TEAD2: variants seen among roughly 807,000 people sequenced by gnomAD.
TEAD2 encodes transcriptional enhancer factor TEF-4.
In TEAD2, 51 loss-of-function variants were observed where a neutral mutation model predicts 61.4. The ratio of observed to expected loss-of-function variants is 0.83; its 90% CI spans 0.66 to 1.05. The LOEUF is 1.05. Among genes scored for constraint, TEAD2 ranks in the 50% least tolerant of loss-of-function variants. The pLI, the probability that TEAD2 is intolerant of heterozygous loss-of-function variation, is 0.00. For missense variants in TEAD2, 509 were observed against 600.0 expected (o/e 0.85, Z 1.58); for synonymous variants, 244 against 243.2 (o/e 1.00, Z -0.03).
At chr19:49,347,658 G>A (rs254659) in intron 9 of TEAD2, among the ~76,000 whole-genome samples, 28,779 of 151,686 alleles carry the variant, frequency 0.19, 3,283 homozygotes, top group Non-Finnish European at 0.25. Context: ...CTCCAACCTC[G>A]CCTCTCCAGT....
At chr19:49,355,020 T>C (rs970613325) in intron 7 of TEAD2, 128 bp downstream of exon 7, 14 of 664,034 alleles carry the variant, frequency 2.1e-5, no homozygotes, top group Non-Finnish European at 3.5e-5. Context: ...CATACATACA[T>C]GCATACATAC....
rs1972293095 is a variant in TEAD2, at chr19:49,355,078, G to A, written c.539+70C>T. On this transcript the variant is annotated intron_variant, in intron 7 of 12. Coordinates refer to ENST00000593945, the MANE Select transcript of TEAD2 (RefSeq NM_001256660.2). Reference sequence around the variant, plus strand: ...GGGGGGACACAGGAGCTAGAAGGTGGAGTGAGAAAGGTCTCTGTGGGAGTG... The same window carrying A: ...GGGGGGACACAGGAGCTAGAAGGTGAAGTGAGAAAGGTCTCTGTGGGAGTG... The A allele has an allele frequency of 3.4e-6, 4 of 1,175,106 alleles. No individual in the cohort carries two copies. In the South Asian group the frequency reaches 5.2e-5, roughly 15 times the overall value. 72.8% of individuals were successfully genotyped at this position (1,175,106 alleles called of 1,614,324 possible). A position where few individuals can be genotyped will look rare whatever the true frequency, so the allele number is the denominator to read the frequency against.
At chr19:49,348,375 C>T (rs950221689) in intron 9 of TEAD2, among the ~76,000 whole-genome samples, 1 of 152,164 alleles carries the variant, frequency 6.6e-6, no homozygotes, top group African/African-American at 2.4e-5. Flanking sequence ...AACTCAAACA[C>T]GTTTGATAAA....
intron 4 of TEAD2, among the ~76,000 whole-genome samples, chr19:49,356,744 A>G (rs753406978): frequency 6.6e-6 from 1 of 152,030 alleles, no homozygotes; most frequent in South Asian, 2.1e-4. Context: ...GAGGGGACCG[A>G]CGGCCCATCC....
In TEAD2 at chr19:49,353,937, C is replaced by T. The variant is rs1015848471; in HGVS notation, c.539+1211G>A. On this transcript the variant is annotated intron_variant, in intron 7 of 12. Coordinates refer to ENST00000593945, the MANE Select transcript of TEAD2 (RefSeq NM_001256660.2). The stretch of plus-strand genomic sequence containing the variant: ...CTGGGACTACAGGTGCCTGCCACCA[C>T]GCCCAGCTAATTGTTTTTTGTTTTT... Among the ~76,000 whole-genome samples, 159 of 148,854 alleles carry T rather than the reference C, an allele frequency of 1.1e-3. 3 individuals carry two copies. The highest frequency in any genetic ancestry group is 3.1e-4 in the Non-Finnish European group (21 of 67,364).
Position 49,356,761 on chromosome 19 carries a change from C to G in TEAD2, c.360+491G>C, listed in dbSNP as rs148813871. On this transcript the variant is annotated intron_variant, in intron 4 of 12. Coordinates refer to ENST00000593945, the MANE Select transcript of TEAD2 (RefSeq NM_001256660.2). ...GGGGACCGACGGCCCATCCTTCCTG[C>G]TGTCCTGAGCAAAACCTTCAGCCTC... Among the ~76,000 whole-genome samples, 1,064 of 152,226 alleles carry G rather than the reference C, an allele frequency of 7.0e-3. 19 individuals are homozygous for G. Among genetic ancestry groups the G allele is most frequent in the Middle Eastern group, 0.041 (12 of 294 alleles).
At chr19:49,348,938 G>GA (rs1971827993) in intron 8 of TEAD2, 93 bp from the exon 9 acceptor site, 1 of 1,410,606 alleles carries the variant, frequency 7.1e-7, no homozygotes. Flanking sequence ...CTTAGAAGCT[G>GA]AAAAAGCTAA....
intron 1 of TEAD2, among the ~76,000 whole-genome samples, chr19:49,361,029 GGAGGGGGGGACAGAGACCAGAGA>G (rs1568585317): frequency 1.8e-5 from 1 of 55,312 alleles, no homozygotes; most frequent in Non-Finnish European, 3.6e-5. Flanking sequence ...GAGACCAGAG[GGAGGGGGGGACAGAGACCAGAGA>G]GGGGGACAGA....
At chr19:49,346,063 G>A (rs1181156728) in intron 10 of TEAD2, among the ~76,000 whole-genome samples, 1 of 151,226 alleles carries the variant, frequency 6.6e-6, no homozygotes, top group East Asian at 1.9e-4. Flanking sequence ...TACTTGGGAG[G>A]CTGAGGCTGG....
rs1972688055 is a variant in TEAD2, at chr19:49,359,718, C to CTG, written c.232+124_232+125dup. The CTG allele has an allele frequency of 1.8e-6, 2 of 1,110,782 alleles. No individual in the cohort carries two copies. Among genetic ancestry groups the CTG allele is most frequent in the East Asian group, 4.7e-5 (2 of 42,342 alleles). The allele number at this position is 1,110,782 out of a possible 1,614,324, so 68.8% of individuals were successfully genotyped here. Reference sequence around the variant, plus strand: ...ACCATAAGCAAATCACTTAACCTAGCTGTGCCTCAGTTTCCTCATCTGTGC... The same window carrying CTG: ...ACCATAAGCAAATCACTTAACCTAGCTGTGTGCCTCAGTTTCCTCATCTGTGC... On this transcript the variant is annotated intron_variant, in intron 2 of 12. Coordinates refer to ENST00000593945, the MANE Select transcript of TEAD2 (RefSeq NM_001256660.2). The surrounding 1 kb of genome is among the most constrained non-coding windows in gnomAD (Gnocchi z 4.1).
In TEAD2 at chr19:49,359,629, A is replaced by G. The variant is rs1424188245; in HGVS notation, c.233-130T>C. The stretch of plus-strand genomic sequence containing the variant: ...CAGCAAGTGGGCTGCCGGTCCCCTC[A>G]GCTACGTGGAAGCCAGACTGCTTGG... On this transcript the variant is annotated intron_variant, in intron 2 of 12. Transcript: ENST00000593945. The surrounding 1 kb of genome is among the most constrained non-coding windows in gnomAD (Gnocchi z 4.1). 2.6e-6 allele frequency: 3 copies of G among 1,157,794 alleles called. No homozygotes were observed. The highest frequency in any genetic ancestry group is 1.9e-5 in the Admixed American group (1 of 53,032). The allele number at this position is 1,157,794 out of a possible 1,614,324, so 71.7% of individuals were successfully genotyped here. A position where few individuals can be genotyped will look rare whatever the true frequency, so the allele number is the denominator to read the frequency against.
At chr19:49,343,097 C>T (rs776862630) in intron 11 of TEAD2, 134 bp downstream of exon 11, 113 of 1,048,242 alleles carry the variant, frequency 1.1e-4, no homozygotes, top group Non-Finnish European at 1.4e-4. Context: ...TAGCTCCCAA[C>T]GCATGCATTA....
intron 4 of TEAD2, among the ~76,000 whole-genome samples, chr19:49,357,003 CCT>C (rs1396926753): frequency 6.6e-6 from 1 of 150,882 alleles, no homozygotes; most frequent in Non-Finnish European, 1.5e-5. Flanking sequence ...GGTCTCTGTC[CCT>C]CTCTCTCTGG....
In TEAD2 at chr19:49,360,034, G is replaced by T; in HGVS notation, c.42C>A (p.Ser14Arg). ...TGCCTTCCTCACTGCCCGTCCAGCC[G>T]CTGCCATCGTCCAGGGCGGCCCCAG... is the stretch of plus-strand genomic sequence containing the variant. ...PRAGAALDDG[S>R]GWTGSEEGSE... Residue 14 changes from serine to arginine, a missense_variant, in exon 2 of 13, where the codon AGC (serine) becomes AGA (arginine). By Grantham distance (110) the Ser-to-Arg change is moderately radical. Transcript: ENST00000593945. 6.2e-7 allele frequency: 1 copy of T among 1,608,232 alleles called. No individual in the cohort carries two copies. Among genetic ancestry groups the T allele is most frequent in the Non-Finnish European group, 8.5e-7 (1 of 1,179,866 alleles).
At chr19:49,345,231 GAAC>G (rs1277376087) in intron 10 of TEAD2, among the ~76,000 whole-genome samples, 2 of 152,172 alleles carry the variant, frequency 1.3e-5, no homozygotes, top group Non-Finnish European at 2.9e-5. Context: ...GCAAGCTCCA[GAAC>G]AACAACACTC....
Position 49,340,736 on chromosome 19 carries a change from T to TA in TEAD2, c.*587dup. On this transcript the variant is annotated 3_prime_UTR_variant, in exon 13 of 13. Coordinates refer to ENST00000593945, the MANE Select transcript of TEAD2 (RefSeq NM_001256660.2). The stretch of plus-strand genomic sequence containing the variant: ...CAACACACTGCTTGTGCAGCGGAGA[T>TA]AAAGTCAAGACCCTAGCACCCACTT... The TA allele has an allele frequency of 3.1e-6, 1 of 320,494 alleles. No homozygotes were observed. The highest frequency in any genetic ancestry group is 5.9e-6 in the Non-Finnish European group (1 of 169,378). 19.9% of individuals were successfully genotyped at this position (320,494 alleles called of 1,614,324 possible).
intron 11 of TEAD2, among the ~76,000 whole-genome samples, chr19:49,343,012 A>T (rs921391963): frequency 1.3e-4 from 20 of 151,714 alleles, no homozygotes; most frequent in African/African-American, 4.8e-4. Flanking sequence ...AATCTCAGTG[A>T]CTCTAAGTCT....
chr19:49,342,651 G>C, intron 11 of TEAD2, 61 bp from the exon 12 acceptor site: 2 of 1,583,678 alleles, frequency 1.3e-6, no homozygotes, highest in South Asian at 2.2e-5. Context: ...GTCACCCCAG[G>C]AATTGAGCTC....
chr19:49,349,330 G>A (rs1971854433), intron 8 of TEAD2, among the ~76,000 whole-genome samples: 2 of 152,184 alleles, frequency 1.3e-5, no homozygotes, highest in South Asian at 2.1e-4. Context: ...GGGCATGGTG[G>A]CACGTGCCTG....
Sources: allele counts gnomAD v4.1 joint callset (sites outside exome capture counted in the v4.1 genomes callset), GRCh38; gene constraint gnomAD v4.1.1; non-coding constraint Gnocchi (gnomAD v3.1); transcripts MANE v1.5; gene names NCBI Gene and HGNC (gene_info 2026-07-23, HGNC 2026-07-21).